The following MPHOSPH9 variants were observed in gnomAD, a reference collection of about 807,000 sequenced individuals.
The protein encoded by MPHOSPH9 is M-phase phosphoprotein 9.
Under a neutral mutation model 145.5 loss-of-function variants are expected in MPHOSPH9, and 88 were observed. That is an observed-to-expected ratio of 0.60 (90% CI 0.51 to 0.72). The LOEUF is 0.72. MPHOSPH9 is among the 30% of genes least tolerant of loss of function. The probability of loss-of-function intolerance (pLI) is 0.00; values close to 1 mark genes in which losing one functional copy is unlikely to be tolerated. For missense variants in MPHOSPH9, 1,238 were observed against 1,386.6 expected, an observed-to-expected ratio of 0.89 and a Z score of 1.70; for synonymous variants, 435 against 486.2, an observed-to-expected ratio of 0.89 and a Z score of 1.39.
Position 123,159,450 on chromosome 12 carries a change from A to G in MPHOSPH9, c.3450+1331T>C, listed in dbSNP as rs1398217984. Among the ~76,000 whole-genome samples, 1 of 151,686 alleles carries G rather than the reference A, an allele frequency of 6.6e-6. No homozygotes were observed. The highest frequency in any genetic ancestry group is 2.4e-5 in the African/African-American group (1 of 41,286). ...AGTGCTGGGATTACAGGCATAAGCC[A>G]TTGCGCCTGGCCATGGCAGGTTTTT... is the stretch of plus-strand genomic sequence containing the variant. On this transcript the variant is annotated intron_variant, in intron 23 of 23. Transcript: ENST00000606320. This position sits in a 1 kb window ranked among gnomAD's most constrained non-coding sequence, Gnocchi z 4.3.
chr12:123,177,577 T>C (rs747552297), intron 15 of MPHOSPH9, among the ~76,000 whole-genome samples: 16 of 151,566 alleles, frequency 1.1e-4, no homozygotes, highest in Admixed American at 6.6e-5. Context: ...TGAATATAAA[T>C]AGAAAAACAG....
intron 7 of MPHOSPH9, among the ~76,000 whole-genome samples, chr12:123,213,846 C>T (rs1397967978): frequency 2.0e-5 from 3 of 152,106 alleles, no homozygotes; most frequent in African/African-American, 4.8e-5. Context: ...CAGAGGATCA[C>T]TTTGTCTACT....
At chr12:123,186,993 T>G (rs965663961) in intron 13 of MPHOSPH9, among the ~76,000 whole-genome samples, 2 of 151,966 alleles carry the variant, frequency 1.3e-5, no homozygotes, top group African/African-American at 4.8e-5. Context: ...GCGCAGTGGC[T>G]CTCGCCTGTA....
chr12:123,225,071 G>A lies in MPHOSPH9; in HGVS notation c.259-1944C>T, dbSNP rs916458169. ...GATAGTATATTGATTTTTTAAAGCG[G>A]GTAAAGGTAGGTTATATTACCTATG... On this transcript the variant is annotated intron_variant, in intron 3 of 23. Transcript: ENST00000606320. Among the ~76,000 whole-genome samples, 4 of 151,942 alleles carry A rather than the reference G, an allele frequency of 2.6e-5. No individual in the cohort carries two copies. In the South Asian group the frequency reaches 6.2e-4, roughly 24 times the overall value.
intron 1 of MPHOSPH9, among the ~76,000 whole-genome samples, chr12:123,232,660 T>G (rs1293264994): frequency 6.6e-6 from 1 of 150,784 alleles, no homozygotes; most frequent in Non-Finnish European, 1.5e-5. Context: ...CGGGTCAAAG[T>G]GGGAAGGAGA....
chr12:123,172,495 G>A (rs1337601080), intron 16 of MPHOSPH9, among the ~76,000 whole-genome samples: 2 of 152,040 alleles, frequency 1.3e-5, no homozygotes, highest in Admixed American at 6.6e-5. Flanking sequence ...ACCATACCCA[G>A]CTAATTTTTG....
chr12:123,237,459 G>A (rs932324682), upstream of MPHOSPH9, among the ~76,000 whole-genome samples: 1 of 152,078 alleles, frequency 6.6e-6, no homozygotes, highest in African/African-American at 2.4e-5. Flanking sequence ...CGAGATGTTG[G>A]GATTGTGTGA....
intron 7 of MPHOSPH9, among the ~76,000 whole-genome samples, chr12:123,213,423 T>C (rs1398278905): frequency 6.6e-6 from 1 of 152,084 alleles, no homozygotes; most frequent in Non-Finnish European, 1.5e-5. Context: ...CACTGCAGCC[T>C]TGACCTCCCA....
At chr12:123,181,234 T>A (rs756422078) in intron 13 of MPHOSPH9, 24 bp from the exon 14 acceptor site, 14 of 1,592,226 alleles carry the variant, frequency 8.8e-6, no homozygotes, top group Non-Finnish European at 1.1e-5. Context: ...CAAAAAAAAA[T>A]TATACCACAA....
At chr12:123,182,813 CT>C (rs1434041857) in intron 13 of MPHOSPH9, among the ~76,000 whole-genome samples, 1 of 151,352 alleles carries the variant, frequency 6.6e-6, no homozygotes, top group East Asian at 2.0e-4. Flanking sequence ...ACTTGGGTGG[CT>C]GAGGTGGGAG....
intron 8 of MPHOSPH9, 39 bp from the exon 9 acceptor site, chr12:123,203,414 A>G: frequency 6.6e-7 from 1 of 1,506,078 alleles, no homozygotes; most frequent in Non-Finnish European, 9.0e-7. Context: ...TGTTATCAAT[A>G]ATGAAACAAA....
rs1006090055 is a variant in MPHOSPH9 at position 123,159,466 on chromosome 12, G to A, written c.3450+1315C>T. On this transcript the variant is annotated intron_variant, in intron 23 of 23. Coordinates refer to ENST00000606320, the MANE Select transcript of MPHOSPH9 (RefSeq NM_022782.4). This position sits in a 1 kb window ranked among gnomAD's most constrained non-coding sequence, Gnocchi z 4.3. Reference sequence around the variant, plus strand: ...GCATAAGCCATTGCGCCTGGCCATGGCAGGTTTTTTTTTGTTTTTTTTGTT... The same window carrying A: ...GCATAAGCCATTGCGCCTGGCCATGACAGGTTTTTTTTTGTTTTTTTTGTT... Among the ~76,000 whole-genome samples the A allele has an allele frequency of 9.9e-5, 15 of 152,068 alleles. No homozygotes were observed. The highest frequency in any genetic ancestry group is 4.6e-4 in the Admixed American group (7 of 15,256).
intron 1 of MPHOSPH9, among the ~76,000 whole-genome samples, chr12:123,238,537 G>T (rs1358014962): frequency 1.3e-5 from 2 of 152,152 alleles, no homozygotes; most frequent in African/African-American, 4.8e-5. Context: ...TTTTGAGACC[G>T]AGGCAGGCAG....
At chr12:123,232,153 C>T (rs567537730) in intron 1 of MPHOSPH9, among the ~76,000 whole-genome samples, 1 of 151,718 alleles carries the variant, frequency 6.6e-6, no homozygotes, top group Non-Finnish European at 1.5e-5. Context: ...TACCTGGATT[C>T]CAATCACCAT....
chr12:123,163,662 C>G, intron 19 of MPHOSPH9: 1 of 277,068 alleles, frequency 3.6e-6, no homozygotes. Flanking sequence ...TAGTTGCAAA[C>G]AATTTAGTGG....
At chr12:123,196,584 G>C (rs990402009) in intron 12 of MPHOSPH9, among the ~76,000 whole-genome samples, 9 of 152,030 alleles carry the variant, frequency 5.9e-5, no homozygotes, top group African/African-American at 2.2e-4. Context: ...AAGAAAAAAA[G>C]TTACCTGTAA....
In MPHOSPH9 at chr12:123,209,737, G is replaced by GTTTTGTTGT. The variant is rs2046620275; in HGVS notation, c.1194+318_1194+319insACAACAAAA. ...CACGGTGTGTGTGTTTTGTTTTGTT[G>GTTTTGTTGT]TTTTTTTTTTTTTTTTTGAGATGGA... is the stretch of plus-strand genomic sequence containing the variant. On this transcript the variant is annotated intron_variant, in intron 8 of 23. Coordinates refer to ENST00000606320, the MANE Select transcript of MPHOSPH9 (RefSeq NM_022782.4). 2.4e-5 allele frequency among the ~76,000 whole-genome samples: 3 copies of GTTTTGTTGT among 123,654 alleles called. No homozygotes were observed. In the South Asian group the frequency reaches 7.9e-4, roughly 32 times the overall value. 81.1% of individuals were successfully genotyped at this position (123,654 alleles called of 152,430 possible). A position where few individuals can be genotyped will look rare whatever the true frequency, so the allele number is the denominator to read the frequency against.
chr12:123,174,375 A>G (rs528327314), intron 16 of MPHOSPH9, among the ~76,000 whole-genome samples: 1 of 142,848 alleles, frequency 7.0e-6, no homozygotes, highest in African/African-American at 2.6e-5. Context: ...GACGACTCCA[A>G]TTTTTTTTTT....
At chr12:123,201,520 C>T (rs1482635329) in intron 11 of MPHOSPH9, among the ~76,000 whole-genome samples, 1 of 151,992 alleles carries the variant, frequency 6.6e-6, no homozygotes, top group Non-Finnish European at 1.5e-5. Context: ...AGTGGGACCA[C>T]AGGTACACGC....
Sources: allele counts gnomAD v4.1 joint callset (sites outside exome capture counted in the v4.1 genomes callset), GRCh38; gene constraint gnomAD v4.1.1; non-coding constraint Gnocchi (gnomAD v3.1); transcripts MANE v1.5; gene names NCBI Gene and HGNC (gene_info 2026-07-23, HGNC 2026-07-21).